BUD31: variants seen among roughly 807,000 people sequenced by gnomAD.
BUD31 encodes the protein BUD31 spliceosome associated protein, also known as protein BUD31 homolog.
A neutral mutation model predicts 17.9 loss-of-function variants in BUD31; 9 were observed. That is an observed-to-expected ratio of 0.50 (90% CI 0.30 to 0.88). BUD31 has a LOEUF of 0.88. BUD31 is among the 40% of genes least tolerant of loss of function. The pLI, the probability that BUD31 is intolerant of heterozygous loss-of-function variation, is 0.06. For missense variants in BUD31, 148 were observed against 184.5 expected (o/e 0.80, Z 1.15); for synonymous variants, 70 against 64.7 (o/e 1.08, Z -0.39).
At chr7:99,411,209 G>C (rs113401319) in intron 3 of BUD31, 23 bp downstream of exon 3, 9 of 1,596,066 alleles carry the variant, frequency 5.6e-6, no homozygotes, top group Non-Finnish European at 7.7e-6. Flanking sequence ...GTTCCTGTCT[G>C]GGTGGGCTGG....
chr7:99,409,672 C>G (rs1795093316), intron 1 of BUD31, among the ~76,000 whole-genome samples: 1 of 149,072 alleles, frequency 6.7e-6, no homozygotes, highest in Non-Finnish European at 1.5e-5. Flanking sequence ...TCAGGTTTTG[C>G]AAATTCTCAG....
chr7:99,410,914 G>A (rs1170667151), intron 2 of BUD31, 150 bp from the exon 3 acceptor site: 1 of 593,816 alleles, frequency 1.7e-6, no homozygotes, highest in African/African-American at 1.9e-5. Flanking sequence ...AAGTAGCAGA[G>A]CCAGGATTTG....
intron 3 of BUD31, 97 bp from the exon 4 acceptor site, chr7:99,416,041 A>T: frequency 6.5e-7 from 1 of 1,541,266 alleles, no homozygotes; most frequent in Non-Finnish European, 8.8e-7. Context: ...TAGTGGGTAT[A>T]AAGTGGTATT....
chr7:99,419,280 G>C (rs1395974045), intron 5 of BUD31, 111 bp from the exon 6 acceptor site: 3 of 1,332,364 alleles, frequency 2.3e-6, no homozygotes, highest in African/African-American at 2.9e-5. Flanking sequence ...TCTGAGGTGT[G>C]TCCCTATATG....
At chr7:99,410,432 A>G (rs1385292412) in intron 2 of BUD31, among the ~76,000 whole-genome samples, 6 of 145,586 alleles carry the variant, frequency 4.1e-5, no homozygotes, top group Admixed American at 3.6e-4. Context: ...GTTTCACCTC[A>G]TTGCTCAGAC....
At chr7:99,415,903 A>G (rs1023056815) in intron 3 of BUD31, among the ~76,000 whole-genome samples, 3 of 152,188 alleles carry the variant, frequency 2.0e-5, no homozygotes, top group Admixed American at 2.0e-4. Context: ...TGATATTCAT[A>G]TATAATCATA....
At chr7:99,412,740 T>TAG (rs1795238773) in intron 3 of BUD31, among the ~76,000 whole-genome samples, 1 of 151,124 alleles carries the variant, frequency 6.6e-6, no homozygotes, top group Non-Finnish European at 1.5e-5. Flanking sequence ...GCCTCTGGAG[T>TAG]AGCTGGGACT....
At chr7:99,415,691 C>G (rs979132075) in intron 3 of BUD31, among the ~76,000 whole-genome samples, 3 of 152,194 alleles carry the variant, frequency 2.0e-5, no homozygotes, top group Admixed American at 2.0e-4. Context: ...TTCCCAGATG[C>G]TGGCGTTACC....
Position 99,419,605 on chromosome 7 carries a change from T to A in BUD31, c.*164T>A. On this transcript the variant is annotated 3_prime_UTR_variant, in exon 6 of 6. Transcript: ENST00000222969. Reference sequence around the variant, plus strand: ...CTGTGATTTGTAAAAATAAAATCTTTAAATCTCTCGAGCCCCACGTCTCTT... The same window carrying A: ...CTGTGATTTGTAAAAATAAAATCTTAAAATCTCTCGAGCCCCACGTCTCTT... The A allele has an allele frequency of 1.1e-6, 1 of 876,218 alleles. No individual in the cohort carries two copies. Among genetic ancestry groups the A allele is most frequent in the Non-Finnish European group, 1.7e-6 (1 of 579,242 alleles). The allele number at this position is 876,218 out of a possible 1,614,324, so 54.3% of individuals were successfully genotyped here.
chr7:99,417,065 C>CT (rs1003967626), intron 4 of BUD31: 2,454 of 207,602 alleles, frequency 0.012, no homozygotes, highest in South Asian at 0.027. Flanking sequence ...TACTGAATGC[C>CT]TTTTTTTTTT....
At chr7:99,417,740 C>T in intron 5 of BUD31, 145 bp downstream of exon 5, 1 of 1,535,348 alleles carries the variant, frequency 6.5e-7, no homozygotes, top group East Asian at 2.4e-5. Flanking sequence ...GGGAGTGGGT[C>T]CCTGTATTCA....
chr7:99,414,964 A>C (rs767844233), intron 3 of BUD31, among the ~76,000 whole-genome samples: 3 of 152,046 alleles, frequency 2.0e-5, no homozygotes, highest in Admixed American at 6.6e-5. Context: ...TTACATTCCC[A>C]CCAGGAACGT....
intron 1 of BUD31, among the ~76,000 whole-genome samples, chr7:99,409,780 T>TGGGGGGGGGGGGGGG (rs1554353400): frequency 3.3e-5 from 2 of 61,114 alleles, no homozygotes; most frequent in African/African-American, 6.3e-5. Flanking sequence ...GGGGGGGGGG[T>TGGGGGGGGGGGGGGG]GGGTCTTTGT....
At chr7:99,412,355 T>C (rs12531852) in intron 3 of BUD31, among the ~76,000 whole-genome samples, 27,156 of 152,196 alleles carry the variant, frequency 0.18, 4,699 homozygotes, top group African/African-American at 0.45. Flanking sequence ...AGGGTGACTT[T>C]TGAGGGAAGG....
chr7:99,417,433 CTA>C lies in BUD31; in HGVS notation c.224_225del (p.Tyr75Ter), dbSNP rs1255808949. On this transcript the variant is annotated frameshift_variant, in exon 5 of 6. Transcript: ENST00000222969. LOFTEE classifies it high-confidence loss of function. The stretch of plus-strand genomic sequence containing the variant: ...CTTTCCCCATCTTTTTGACAGAACT[CTA>C]TGAATATTGTATTAAAGAAGGCTAT... ...YKRKAISRELYEYCIKEGYAD... is the reference protein window; with the variant it reads ...YKRKAISRELXEYCIKEGYAD... 1.9e-6 allele frequency: 3 copies of C among 1,613,904 alleles called. No individual in the cohort carries two copies. The highest frequency in any genetic ancestry group is 2.5e-6 in the Non-Finnish European group (3 of 1,179,900).
intron 2 of BUD31, 113 bp from the exon 3 acceptor site, chr7:99,410,950 TC>T: frequency 3.0e-6 from 2 of 660,660 alleles, no homozygotes; most frequent in Non-Finnish European, 5.3e-6. Flanking sequence ...CTGAGCCCTG[TC>T]CCATAGCTGT....
intron 3 of BUD31, among the ~76,000 whole-genome samples, chr7:99,412,733 TC>T (rs1795238329): frequency 6.6e-6 from 1 of 151,192 alleles, no homozygotes; most frequent in African/African-American, 2.4e-5. Flanking sequence ...TGCCTCAGCC[TC>T]TGGAGTAGCT....
chr7:99,409,098 G>T lies in BUD31; in HGVS notation c.-313G>T, dbSNP rs1367174423. Reference sequence around the variant, plus strand: ...GTCCTGGAGGGAGATATGAGTGGCTGGACTCTCAGCCAGCCACTGGGATGT... The same window carrying T: ...GTCCTGGAGGGAGATATGAGTGGCTTGACTCTCAGCCAGCCACTGGGATGT... On this transcript the variant is annotated 5_prime_UTR_variant, in exon 1 of 6. Transcript: ENST00000222969. The T allele has an allele frequency of 6.6e-6, 1 of 152,228 alleles. No homozygotes were observed. The highest frequency in any genetic ancestry group is 6.5e-5 in the Admixed American group (1 of 15,274). 9.4% of individuals were successfully genotyped at this position (152,228 alleles called of 1,614,324 possible).
At chr7:99,415,486 G>A (rs1236324907) in intron 3 of BUD31, among the ~76,000 whole-genome samples, 1 of 152,182 alleles carries the variant, frequency 6.6e-6, no homozygotes, top group East Asian at 1.9e-4. Context: ...GCATCACAGG[G>A]AGATAGTTAG....
Sources: allele counts gnomAD v4.1 joint callset (sites outside exome capture counted in the v4.1 genomes callset), GRCh38; gene constraint gnomAD v4.1.1; transcripts MANE v1.5; gene names NCBI Gene and HGNC (gene_info 2026-07-23, HGNC 2026-07-21).